FSHR: variants seen among roughly 807,000 people sequenced by gnomAD.
The protein encoded by FSHR is follicle stimulating hormone receptor, also known as follicle-stimulating hormone receptor.
FSHR carries 46 observed loss-of-function variants against 52.1 expected under a neutral mutation model. The observed-to-expected ratio is 0.88, with a 90% confidence interval of 0.70 to 1.13. The LOEUF is 1.13. Among genes scored for constraint, FSHR ranks in the 50% most tolerant of loss-of-function variants. The probability of loss-of-function intolerance (pLI) is 0.00; values close to 1 mark genes in which losing one functional copy is unlikely to be tolerated. For missense variants in FSHR, 964 were observed against 834.6 expected, an observed-to-expected ratio of 1.16 and a Z score of -1.91; for synonymous variants, 399 against 309.6, an observed-to-expected ratio of 1.29 and a Z score of -3.03.
chr2:48,972,407 G>C (rs1196584852), intron 8 of FSHR, among the ~76,000 whole-genome samples: 2 of 152,124 alleles, frequency 1.3e-5, no homozygotes, highest in Non-Finnish European at 2.9e-5. Context: ...ATCAGAGTCT[G>C]GTCCATGAAC....
At position 49,061,855 on chromosome 2, in the gene FSHR, T is replaced by TA. The variant is rs370974916; in HGVS notation, c.224+6363dup. Reference sequence around the variant, plus strand: ...GTTTATATAAATATAAATATAAATATAATATATTTATATATATATATTTAT... The same window carrying TA: ...GTTTATATAAATATAAATATAAATATAAATATATTTATATATATATATTTAT... On this transcript the variant is annotated intron_variant, in intron 2 of 9. Transcript: ENST00000406846. Among the ~76,000 whole-genome samples the TA allele has an allele frequency of 5.0e-3, 318 of 63,218 alleles. 1 individual carries two copies. The highest frequency in any genetic ancestry group is 0.011 in the Non-Finnish European group (260 of 24,620). 41.5% of individuals were successfully genotyped at this position (63,218 alleles called of 152,430 possible).
chr2:49,046,124 C>T (rs1668644844), intron 2 of FSHR, among the ~76,000 whole-genome samples: 1 of 152,162 alleles, frequency 6.6e-6, no homozygotes. Context: ...CTTGTCCCAG[C>T]TGCTACTTAA....
rs764510894 is a variant in FSHR at position 49,017,584 on chromosome 2, T to G, written c.300-21A>C. The G allele has an allele frequency of 7.6e-6, 12 of 1,570,674 alleles. No homozygotes were observed. The Admixed American group carries it at 1.2e-4, about 15-fold the overall frequency. On this transcript the variant is annotated intron_variant, in intron 3 of 9. Coordinates refer to ENST00000406846, the MANE Select transcript of FSHR (RefSeq NM_000145.4). ...TTCTACTGTAAAAGAAGAAAAAACA[T>G]GCTAGTGATCTTGATGGTAAGGAAT...
At chr2:49,056,818 T>C (rs1430717411) in intron 2 of FSHR, among the ~76,000 whole-genome samples, 1 of 152,068 alleles carries the variant, frequency 6.6e-6, no homozygotes, top group Non-Finnish European at 1.5e-5. Context: ...TCAAGTACCC[T>C]ATAATACCAT....
intron 6 of FSHR, 135 bp downstream of exon 6, chr2:48,988,842 C>T (rs980917757): frequency 4.2e-5 from 30 of 720,310 alleles, no homozygotes; most frequent in African/African-American, 2.1e-4. Context: ...GAGAGAGGAA[C>T]GCAGAACTGG....
In FSHR at chr2:48,962,693, AATT is replaced by A; in HGVS notation, c.*37_*39del. The A allele has an allele frequency of 7.5e-6, 12 of 1,594,954 alleles. No homozygotes were observed. The highest frequency in any genetic ancestry group is 1.0e-5 in the Non-Finnish European group (12 of 1,162,824). ...GACATACCCTTCAAAGGCAAGACTG[AATT>A]ATCATTCAATACTCAGATACATTTT... On this transcript the variant is annotated 3_prime_UTR_variant, in exon 10 of 10. Coordinates refer to ENST00000406846, the MANE Select transcript of FSHR (RefSeq NM_000145.4).
intron 9 of FSHR, among the ~76,000 whole-genome samples, chr2:48,965,123 A>C (rs1207535966): frequency 6.6e-6 from 1 of 152,146 alleles, no homozygotes; most frequent in Non-Finnish European, 1.5e-5. Context: ...TAAGTGGCGA[A>C]GTAAGTATCA....
intron 1 of FSHR, among the ~76,000 whole-genome samples, chr2:49,102,386 G>C (rs1260353605): frequency 1.3e-5 from 2 of 152,146 alleles, no homozygotes; most frequent in Non-Finnish European, 2.9e-5. Context: ...ATCTATAAAA[G>C]GGAGGAAGGC....
At chr2:49,127,898 C>CTTCTTCTTCTTTT (rs1558457105) in intron 1 of FSHR, among the ~76,000 whole-genome samples, 6 of 27,238 alleles carry the variant, frequency 2.2e-4, no homozygotes, top group South Asian at 3.3e-3. Flanking sequence ...TCTTCTTCTT[C>CTTCTTCTTCTTTT]TTTTTTTTTT....
intron 1 of FSHR, among the ~76,000 whole-genome samples, chr2:49,147,132 G>C (rs1409837453): frequency 6.6e-6 from 1 of 152,036 alleles, no homozygotes; most frequent in Non-Finnish European, 1.5e-5. Context: ...AAAGAACAAG[G>C]TAATGGCATG....
At position 49,145,071 on chromosome 2, in the gene FSHR, A is replaced by T. The variant is rs77752483; in HGVS notation, c.152+9195T>A. Among the ~76,000 whole-genome samples, 1,172 of 152,220 alleles carry T rather than the reference A, an allele frequency of 7.7e-3. 18 individuals are homozygous for T. Among genetic ancestry groups the T allele is most frequent in the Middle Eastern group, 0.027 (8 of 294 alleles). On this transcript the variant is annotated intron_variant, in intron 1 of 9. Transcript: ENST00000406846. ...CCCAGCTGCTTTGGGGGAAGCTGGC[A>T]TACACAGCCCATTGACGGGTAAACT...
chr2:49,151,167 A>G (rs1572633752), intron 1 of FSHR, among the ~76,000 whole-genome samples: 2 of 147,894 alleles, frequency 1.4e-5, no homozygotes, highest in East Asian at 2.0e-4. Context: ...TTTCAGAATA[A>G]GAAAGGTATA....
chr2:49,079,490 T>C (rs1448526803), intron 1 of FSHR, among the ~76,000 whole-genome samples: 3 of 152,216 alleles, frequency 2.0e-5, no homozygotes, highest in African/African-American at 7.2e-5. Flanking sequence ...TACCAGGAAA[T>C]ATGATTTTTC....
Position 49,154,337 on chromosome 2 carries a change from G to A in FSHR, c.81C>T (p.Asn27=). 2 of 1,613,856 alleles carry A rather than the reference G, an allele frequency of 1.2e-6. No homozygotes were observed. Among genetic ancestry groups the A allele is most frequent in the Non-Finnish European group, 1.7e-6 (2 of 1,179,896 alleles). ...TGCTCTCTTGGCAGAGAAAAACCCT[G>A]TTAGAGCAGTGACAGATCCGATGAT... The part of the protein sequence containing the change: ...GCHHRICHCS[N]RVFLCQESKV... Residue 27 remains asparagine, a synonymous_variant, in exon 1 of 10, where the codon AAC becomes AAT. Coordinates refer to ENST00000406846, the MANE Select transcript of FSHR (RefSeq NM_000145.4).
chr2:48,971,594 A>G (rs553962038), intron 8 of FSHR, among the ~76,000 whole-genome samples: 1 of 152,262 alleles, frequency 6.6e-6, no homozygotes, highest in Admixed American at 6.5e-5. Context: ...TGTGTATTTT[A>G]TACATAGTCC....
chr2:49,060,714 A>T (rs1669254499), intron 2 of FSHR, among the ~76,000 whole-genome samples: 2 of 152,164 alleles, frequency 1.3e-5, no homozygotes, highest in African/African-American at 2.4e-5. Flanking sequence ...TATATGCCAA[A>T]TACCTCTAGT....
At chr2:49,070,818 G>A (rs369070864) in intron 1 of FSHR, among the ~76,000 whole-genome samples, 15 of 152,146 alleles carry the variant, frequency 9.9e-5, no homozygotes, top group East Asian at 3.9e-4. Context: ...ACATTTTCAC[G>A]AAAAATTACC....
chr2:49,059,263 AG>A (rs1669193205), intron 2 of FSHR, among the ~76,000 whole-genome samples: 2 of 152,228 alleles, frequency 1.3e-5, no homozygotes, highest in South Asian at 4.1e-4. Flanking sequence ...TCACAGAAGT[AG>A]AAAAAAAAAT....
chr2:49,124,906 C>A (rs1407808468), intron 1 of FSHR, among the ~76,000 whole-genome samples: 3 of 152,182 alleles, frequency 2.0e-5, no homozygotes, highest in African/African-American at 7.2e-5. Context: ...TCATTACATG[C>A]AACCTTCTCT....
Sources: gnomAD v4.1 joint callset for allele counts (sites outside exome capture counted in the v4.1 genomes callset) on GRCh38, gnomAD v4.1.1 for gene constraint, MANE v1.5 for transcripts, NCBI Gene and HGNC (gene_info 2026-07-23, HGNC 2026-07-21) for gene names.